The following SLC23A2 variants were observed in gnomAD, a reference collection of about 807,000 sequenced individuals.
SLC23A2 encodes Na(+)/L-ascorbic acid transporter 2.
SLC23A2 carries 36 observed loss-of-function variants against 73.3 expected under a neutral mutation model. That is an observed-to-expected ratio of 0.49 (90% CI 0.38 to 0.65). The LOEUF is 0.65. SLC23A2 is among the 30% of genes least tolerant of loss of function. SLC23A2 has a pLI of 0.00. For missense variants in SLC23A2, 507 were observed against 841.6 expected (o/e 0.60, Z 4.92); for synonymous variants, 343 against 327.3 (o/e 1.05, Z -0.52).
intron 2 of SLC23A2, among the ~76,000 whole-genome samples, chr20:4,969,102 T>C (rs1164480531): frequency 1.1e-4 from 14 of 132,536 alleles, no homozygotes; most frequent in African/African-American, 3.4e-4. Flanking sequence ...TTGTTTTGTT[T>C]TGAGACAGAG....
At chr20:4,999,348 G>A (rs80096339) in intron 1 of SLC23A2, among the ~76,000 whole-genome samples, 4,157 of 152,242 alleles carry the variant, frequency 0.027, 192 homozygotes, top group African/African-American at 0.095. Flanking sequence ...GTGGATGGAT[G>A]GATGGGCAGA....
At chr20:4,893,212 C>T (rs191196595) in intron 6 of SLC23A2, among the ~76,000 whole-genome samples, 6 of 152,044 alleles carry the variant, frequency 3.9e-5, no homozygotes, top group African/African-American at 1.2e-4. Flanking sequence ...CACAGGTGCA[C>T]GCCACCACAC....
chr20:4,959,449 G>T (rs912731781), intron 2 of SLC23A2, among the ~76,000 whole-genome samples: 6 of 152,086 alleles, frequency 3.9e-5, no homozygotes, highest in African/African-American at 1.4e-4. Flanking sequence ...GAAACCTTAC[G>T]TTCAGACAAG....
At chr20:4,972,741 A>G (rs922881438) in intron 1 of SLC23A2, among the ~76,000 whole-genome samples, 6 of 152,078 alleles carry the variant, frequency 3.9e-5, no homozygotes, top group Admixed American at 3.3e-4. Flanking sequence ...GCCCGCCACC[A>G]TGCCTGGCTA....
intron 3 of SLC23A2, among the ~76,000 whole-genome samples, chr20:4,915,885 T>C (rs903464215): frequency 1.3e-5 from 2 of 151,910 alleles, no homozygotes; most frequent in Non-Finnish European, 2.9e-5. Flanking sequence ...GAGGTGGAGG[T>C]TGCAGTGAGC....
In SLC23A2 at chr20:4,962,849, T is replaced by A. The variant is rs529048367; in HGVS notation, c.-155+7944A>T. Among the ~76,000 whole-genome samples, 8 of 152,118 alleles carry A rather than the reference T, an allele frequency of 5.3e-5. No individual in the cohort carries two copies. In the South Asian group the frequency reaches 1.7e-3, roughly 32 times the overall value. ...CCCATCTCTACTAAAAATACAAAATTAGCCGGGTGTGGTGGCATGCACCTG... is the reference window on the plus strand; with the variant it reads ...CCCATCTCTACTAAAAATACAAAATAAGCCGGGTGTGGTGGCATGCACCTG... On this transcript the variant is annotated intron_variant, in intron 2 of 16. Coordinates refer to ENST00000338244, the MANE Select transcript of SLC23A2 (RefSeq NM_005116.6).
At chr20:4,891,023 T>C (rs192013489) in intron 6 of SLC23A2, among the ~76,000 whole-genome samples, 3 of 152,170 alleles carry the variant, frequency 2.0e-5, no homozygotes, top group Non-Finnish European at 4.4e-5. Flanking sequence ...ATGCCAAATA[T>C]TGAAAAAACT....
chr20:4,944,584 T>G (rs2122969790), intron 2 of SLC23A2, among the ~76,000 whole-genome samples: 1 of 152,232 alleles, frequency 6.6e-6, no homozygotes, highest in South Asian at 2.1e-4. Flanking sequence ...ATGCTAGAGG[T>G]CCTCAGATCA....
At chr20:4,994,888 C>G (rs1229550768) in intron 1 of SLC23A2, among the ~76,000 whole-genome samples, 1 of 151,690 alleles carries the variant, frequency 6.6e-6, no homozygotes, top group Non-Finnish European at 1.5e-5. Context: ...GAGCCAAGAT[C>G]GCACCATTGC....
chr20:4,991,260 A>G (rs1269169819), intron 1 of SLC23A2, among the ~76,000 whole-genome samples: 1 of 152,048 alleles, frequency 6.6e-6, no homozygotes, highest in East Asian at 1.9e-4. Flanking sequence ...AGGTATGCAC[A>G]CCACCACGCC....
intron 1 of SLC23A2, among the ~76,000 whole-genome samples, chr20:5,007,604 T>G (rs1025713531): frequency 6.6e-6 from 1 of 152,192 alleles, no homozygotes; most frequent in Non-Finnish European, 1.5e-5. Flanking sequence ...TTCACAAAGC[T>G]GTACAAGTAC....
intron 3 of SLC23A2, among the ~76,000 whole-genome samples, chr20:4,921,345 A>T (rs1932494673): frequency 6.6e-6 from 1 of 152,220 alleles, no homozygotes; most frequent in Non-Finnish European, 1.5e-5. Flanking sequence ...TAATCTCAGC[A>T]CTTTGGGAGA....
chr20:4,940,157 A>G (rs2087017968), intron 2 of SLC23A2, among the ~76,000 whole-genome samples: 1 of 152,068 alleles, frequency 6.6e-6, no homozygotes. Flanking sequence ...ATCTCTACCA[A>G]AAATACAAAA....
intron 12 of SLC23A2, 107 bp from the exon 13 acceptor site, chr20:4,867,982 C>A (rs1033707194): frequency 3.2e-6 from 2 of 632,822 alleles, no homozygotes; most frequent in African/African-American, 4.2e-5. Context: ...CCAGAGCCTG[C>A]AGCTTCCACA....
intron 1 of SLC23A2, among the ~76,000 whole-genome samples, chr20:4,986,927 C>A (rs545598873): frequency 6.6e-6 from 1 of 152,242 alleles, no homozygotes; most frequent in South Asian, 2.1e-4. Flanking sequence ...AAGTAATAAG[C>A]TTCCCTCCTC....
intron 1 of SLC23A2, among the ~76,000 whole-genome samples, chr20:4,994,710 G>A (rs1268648673): frequency 6.6e-6 from 1 of 151,800 alleles, no homozygotes; most frequent in African/African-American, 2.4e-5. Context: ...TCAGTGAGCC[G>A]ATATCGCACC....
intron 1 of SLC23A2, among the ~76,000 whole-genome samples, chr20:4,984,120 A>G (rs2087780620): frequency 6.6e-6 from 1 of 152,190 alleles, no homozygotes; most frequent in Non-Finnish European, 1.5e-5. Context: ...ATGGGCAAAG[A>G]AAGCTGGATG....
At position 4,899,507 on chromosome 20, in the gene SLC23A2, AAT is replaced by A. The variant is rs773276046; in HGVS notation, c.482+46_482+47del. On this transcript the variant is annotated intron_variant, in intron 6 of 16. Transcript: ENST00000338244. The surrounding 1 kb of genome is among the most constrained non-coding windows in gnomAD (Gnocchi z 4.9). ...GCGCAGCTCAATGCCTTCTGCGCTC[AAT>A]GCCTTCTGGGGGCTTTGGCATCCCC... 10 of 837,394 alleles carry A rather than the reference AAT, an allele frequency of 1.2e-5. No homozygotes were observed. The highest frequency in any genetic ancestry group is 1.8e-5 in the Non-Finnish European group (10 of 566,380). The allele number at this position is 837,394 out of a possible 1,614,324, so 51.9% of individuals were successfully genotyped here.
intron 2 of SLC23A2, among the ~76,000 whole-genome samples, chr20:4,965,546 C>T (rs1253570785): frequency 1.3e-5 from 2 of 152,074 alleles, no homozygotes; most frequent in East Asian, 1.9e-4. Context: ...CCAAGGCAGG[C>T]GTATCACTTG....
Sources: gnomAD v4.1 joint callset for allele counts (sites outside exome capture counted in the v4.1 genomes callset) on GRCh38, gnomAD v4.1.1 for gene constraint, Gnocchi (gnomAD v3.1) non-coding constraint, MANE v1.5 for transcripts, NCBI Gene and HGNC (gene_info 2026-07-23, HGNC 2026-07-21) for gene names.